SLC26A11: variants seen among roughly 807,000 people sequenced by gnomAD.
SLC26A11 encodes the protein solute carrier family 26 member 11.
A neutral mutation model predicts 62.2 loss-of-function variants in SLC26A11; 58 were observed. That is an observed-to-expected ratio of 0.93 (90% confidence interval 0.76 to 1.16). SLC26A11 has a LOEUF of 1.16. Ranked by LOEUF, SLC26A11 falls within the 50% of genes most tolerant of loss-of-function variation. The probability of loss-of-function intolerance (pLI) is 0.00; values close to 1 mark genes in which losing one functional copy is unlikely to be tolerated. For synonymous variants in SLC26A11, 411 were observed against 368.9 expected, an observed-to-expected ratio of 1.11 and a Z score of -1.31; for missense variants, 790 against 794.3, an observed-to-expected ratio of 0.99 and a Z score of 0.06.
intron 5 of SLC26A11, among the ~76,000 whole-genome samples, chr17:80,224,178 TGA>T (rs1555626017): frequency 2.1e-5 from 3 of 140,760 alleles, no homozygotes; most frequent in East Asian, 2.1e-4. Context: ...AGAGTGTGTG[TGA>T]GAGTGTGTAT....
intron 7 of SLC26A11, among the ~76,000 whole-genome samples, chr17:80,231,145 TTTTTTTTTTTTTTCAAAAAAAA>T (rs2042555386): frequency 2.0e-5 from 3 of 146,932 alleles, no homozygotes; most frequent in Admixed American, 2.0e-4. Flanking sequence ...TTTATCCTTT[TTTTTTTTTTTTTTCAAAAAAAA>T]TTTTTTTTTT....
chr17:80,237,652 G>C (rs2042736598), intron 9 of SLC26A11, 58 bp downstream of exon 9: 4 of 1,533,236 alleles, frequency 2.6e-6, no homozygotes, highest in Non-Finnish European at 2.7e-6. Flanking sequence ...GGCTAGGCCT[G>C]CCTGCTTTCT....
intron 10 of SLC26A11, among the ~76,000 whole-genome samples, chr17:80,243,394 C>CTTATTATTATTATTATTATTA (rs762787454): frequency 1.5e-3 from 233 of 151,798 alleles, no homozygotes; most frequent in African/African-American, 5.4e-3. Context: ...CATTACTTTA[C>CTTATTATTATTATTATTATTA]TTATTATTAT....
At position 80,221,126 on chromosome 17, in the gene SLC26A11, G is replaced by C. The variant is rs1340293188; in HGVS notation, c.-14+11G>C. On this transcript the variant is annotated intron_variant, in intron 2 of 17. Coordinates refer to ENST00000361193, the MANE Select transcript of SLC26A11 (RefSeq NM_001166347.2). ...CCCCGCCAGCCTACGGTGCGCCCGC[G>C]GGCCCAGCTTCTCTCTGCGCTGCTC... 1.3e-5 allele frequency: 2 copies of C among 157,876 alleles called. No individual in the cohort carries two copies. Among genetic ancestry groups the C allele is most frequent in the Admixed American group, 1.3e-4 (2 of 15,430 alleles). The allele number at this position is 157,876 out of a possible 1,614,324, so 9.8% of individuals were successfully genotyped here. A position where few individuals can be genotyped will look rare whatever the true frequency, so the allele number is the denominator to read the frequency against.
rs1293559092 is a variant in SLC26A11 at position 80,228,833 on chromosome 17, G to C, written c.736+873G>C. 6.6e-6 allele frequency among the ~76,000 whole-genome samples: 1 copy of C among 152,196 alleles called. No individual in the cohort carries two copies. Among genetic ancestry groups the C allele is most frequent in the Non-Finnish European group, 1.5e-5 (1 of 68,042 alleles). On this transcript the variant is annotated intron_variant, in intron 7 of 17. Coordinates refer to ENST00000361193, the MANE Select transcript of SLC26A11 (RefSeq NM_001166347.2). This position sits in a 1 kb window ranked among gnomAD's most constrained non-coding sequence, Gnocchi z 4.1. ...GTACAACTTCAGCTTCAGGCGCGGA[G>C]GCTGCAGGCTGAGCCACAACCAACC...
At chr17:80,248,820 C>T in intron 15 of SLC26A11, 146 bp downstream of exon 15, 1 of 818,858 alleles carries the variant, frequency 1.2e-6, no homozygotes, top group Non-Finnish European at 1.9e-6. Context: ...GGACCGTCCT[C>T]TGTGGGCCTC....
intron 15 of SLC26A11, 138 bp downstream of exon 15, chr17:80,248,812 AC>A: frequency 1.1e-6 from 1 of 898,418 alleles, no homozygotes; most frequent in Non-Finnish European, 1.7e-6. Flanking sequence ...AGTGGGCTGG[AC>A]CGTCCTCTGT....
Position 80,222,653 on chromosome 17 carries a change from A to T in SLC26A11, c.235-2A>T, listed in dbSNP as rs1397829413. On this transcript the variant is annotated splice_acceptor_variant, in intron 3 of 17. Transcript: ENST00000361193. LOFTEE classifies it high-confidence loss of function. The surrounding 1 kb of genome is among the most constrained non-coding windows in gnomAD (Gnocchi z 4.7). ...AGTGCTCACCACCCTCTCTCCCCAC[A>T]GTATGGCCTCTACTCTGCCTTCATG... 2 of 1,613,626 alleles carry T rather than the reference A, an allele frequency of 1.2e-6. No individual in the cohort carries two copies. Among genetic ancestry groups the T allele is most frequent in the African/African-American group, 2.7e-5 (2 of 74,998 alleles).
intron 5 of SLC26A11, among the ~76,000 whole-genome samples, chr17:80,225,374 C>T (rs771346052): frequency 3.3e-5 from 5 of 152,166 alleles, no homozygotes; most frequent in East Asian, 1.9e-4. Context: ...CCCGCAGCAG[C>T]GGAGCTGGGG....
chr17:80,244,890 C>T (rs966050282), intron 10 of SLC26A11, among the ~76,000 whole-genome samples: 10 of 147,980 alleles, frequency 6.8e-5, no homozygotes, highest in Non-Finnish European at 1.5e-4. Flanking sequence ...GCAGGAGAAT[C>T]GCTTGAACTG....
In SLC26A11 at chr17:80,223,963, AG is replaced by A. The variant is rs1342526952; in HGVS notation, c.513+632del. ...CCGCCCAGCATTGGGCTGGTGCAGTAGGGGGGTGCTCAGTGGGGTGTGTGTG... is the reference window on the plus strand; with the variant it reads ...CCGCCCAGCATTGGGCTGGTGCAGTAGGGGGTGCTCAGTGGGGTGTGTGTG... On this transcript the variant is annotated intron_variant, in intron 5 of 17. Coordinates refer to ENST00000361193, the MANE Select transcript of SLC26A11 (RefSeq NM_001166347.2). The surrounding 1 kb of genome is among the most constrained non-coding windows in gnomAD (Gnocchi z 4.6). Among the ~76,000 whole-genome samples the A allele has an allele frequency of 6.6e-6, 1 of 152,132 alleles. No homozygotes were observed. The highest frequency in any genetic ancestry group is 2.4e-5 in the African/African-American group (1 of 41,422).
At chr17:80,226,744 G>T (rs2042424701) in intron 6 of SLC26A11, among the ~76,000 whole-genome samples, 2 of 152,224 alleles carry the variant, frequency 1.3e-5, no homozygotes, top group South Asian at 2.1e-4. Flanking sequence ...CTGATGAGGG[G>T]TACCTCCCTG....
At chr17:80,245,064 A>G (rs140027359) in intron 10 of SLC26A11, 132 bp from the exon 11 acceptor site, 283 of 698,892 alleles carry the variant, frequency 4.0e-4, no homozygotes, top group African/African-American at 3.8e-3. Flanking sequence ...GCGTAGGCCC[A>G]GGCCCCCAGG....
chr17:80,223,436 C>T lies in SLC26A11; in HGVS notation c.513+99C>T, dbSNP rs1352962278. The T allele has an allele frequency of 3.7e-6, 4 of 1,095,762 alleles. No homozygotes were observed. Among genetic ancestry groups the T allele is most frequent in the African/African-American group, 3.1e-5 (2 of 64,124 alleles). 67.9% of individuals were successfully genotyped at this position (1,095,762 alleles called of 1,614,324 possible). ...TGAGGCCAGTCCTGATCCCTGTGGC[C>T]AGTGGACGTCTTGCTGTTTCAGATT... On this transcript the variant is annotated intron_variant, in intron 5 of 17. Coordinates refer to ENST00000361193, the MANE Select transcript of SLC26A11 (RefSeq NM_001166347.2). This position sits in a 1 kb window ranked among gnomAD's most constrained non-coding sequence, Gnocchi z 4.6.
chr17:80,245,880 G>A (rs559694866), intron 11 of SLC26A11, among the ~76,000 whole-genome samples: 1 of 152,192 alleles, frequency 6.6e-6, no homozygotes, highest in Admixed American at 6.5e-5. Context: ...GCTGGGTATG[G>A]GGGCCCCACC....
chr17:80,223,156 C>G lies in SLC26A11; in HGVS notation c.428-96C>G. The G allele has an allele frequency of 2.6e-6, 3 of 1,164,496 alleles. No individual in the cohort carries two copies. Among genetic ancestry groups the G allele is most frequent in the Non-Finnish European group, 3.8e-6 (3 of 786,700 alleles). The allele number at this position is 1,164,496 out of a possible 1,614,324, so 72.1% of individuals were successfully genotyped here. ...TTAGCTGCGGTATCTGCTCCCCAATCCCACCCATTGCCACCTTCCCCAGCT... is the reference window on the plus strand; with the variant it reads ...TTAGCTGCGGTATCTGCTCCCCAATGCCACCCATTGCCACCTTCCCCAGCT... On this transcript the variant is annotated intron_variant, in intron 4 of 17. Coordinates refer to ENST00000361193, the MANE Select transcript of SLC26A11 (RefSeq NM_001166347.2). This position sits in a 1 kb window ranked among gnomAD's most constrained non-coding sequence, Gnocchi z 4.6.
At chr17:80,250,568 T>G (rs1433812997) in intron 16 of SLC26A11, among the ~76,000 whole-genome samples, 1 of 152,240 alleles carries the variant, frequency 6.6e-6, no homozygotes, top group Non-Finnish European at 1.5e-5. Flanking sequence ...CCAGACATGG[T>G]GGCTCACACC....
chr17:80,222,086 C>G lies in SLC26A11; in HGVS notation c.234+292C>G, dbSNP rs2042227067. ...TGAAACCCCGTCTCCACTAAAAATA[C>G]AAAAATTAGGCTGGGTGCGGTGGCT... On this transcript the variant is annotated intron_variant, in intron 3 of 17. Transcript: ENST00000361193. This position sits in a 1 kb window ranked among gnomAD's most constrained non-coding sequence, Gnocchi z 4.7. 1 of 381,680 alleles carries G rather than the reference C, an allele frequency of 2.6e-6. No homozygotes were observed. Among genetic ancestry groups the G allele is most frequent in the Admixed American group, 4.6e-5 (1 of 21,978 alleles). The allele number at this position is 381,680 out of a possible 1,614,324, so 23.6% of individuals were successfully genotyped here.
Position 80,246,501 on chromosome 17 carries a change from C to T in SLC26A11, c.1154-8C>T, listed in dbSNP as rs777062452. ...TCCCGAGGTCACCTGTGTTCCCGTG[C>T]CCCGCAGGAGTGCTGGTGCTGCTGT... On this transcript the variant is annotated splice_region_variant and splice_polypyrimidine_tract_variant and intron_variant, in intron 12 of 17. Coordinates refer to ENST00000361193, the MANE Select transcript of SLC26A11 (RefSeq NM_001166347.2). The surrounding 1 kb of genome is among the most constrained non-coding windows in gnomAD (Gnocchi z 4.4). 8 of 1,609,490 alleles carry T rather than the reference C, an allele frequency of 5.0e-6. No individual in the cohort carries two copies. The South Asian group carries it at 7.7e-5, about 15-fold the overall frequency.
Sources: gnomAD v4.1 joint callset for allele counts (sites outside exome capture counted in the v4.1 genomes callset) on GRCh38, gnomAD v4.1.1 for gene constraint, Gnocchi (gnomAD v3.1) non-coding constraint, MANE v1.5 for transcripts, NCBI Gene and HGNC (gene_info 2026-07-23, HGNC 2026-07-21) for gene names.